The following CREM variants were observed in gnomAD, a reference collection of about 807,000 sequenced individuals.
CREM encodes cAMP-responsive element modulator.
CREM carries 13 observed loss-of-function variants against 37.3 expected under a neutral mutation model. That is an observed-to-expected ratio of 0.35 (90% CI 0.23 to 0.55). The LOEUF (loss-of-function observed/expected upper bound fraction) is 0.55, where lower values mean the gene tolerates loss of function less well. CREM is among the 20% of genes least tolerant of loss of function. The pLI is 0.88. For synonymous variants in CREM, 124 were observed against 120.2 expected (o/e 1.03, Z -0.21); for missense variants, 296 against 362.3 (o/e 0.82, Z 1.49).
intron 3 of CREM, among the ~76,000 whole-genome samples, chr10:35,150,802 CAG>C (rs2092545204): frequency 3.3e-5 from 5 of 151,932 alleles, no homozygotes; most frequent in African/African-American, 1.2e-4. Context: ...GCCTGGGTGA[CAG>C]AGTGAGACCC....
At chr10:35,171,500 G>A (rs2093819773) in intron 3 of CREM, among the ~76,000 whole-genome samples, 1 of 152,138 alleles carries the variant, frequency 6.6e-6, no homozygotes. Flanking sequence ...TTAAAATTCT[G>A]ATAATTGTAC....
intron 1 of CREM, among the ~76,000 whole-genome samples, chr10:35,134,790 C>A (rs1160758325): frequency 1.3e-5 from 2 of 152,126 alleles, no homozygotes; most frequent in Non-Finnish European, 2.9e-5. Flanking sequence ...GTAATCCCAG[C>A]ACTTTGGGAG....
intron 3 of CREM, among the ~76,000 whole-genome samples, chr10:35,155,942 TTTC>T (rs1358665900): frequency 6.0e-5 from 8 of 134,146 alleles, no homozygotes; most frequent in African/African-American, 1.8e-4. Context: ...TCTTTCTTTC[TTTC>T]TTTTTTTTTT....
At chr10:35,196,193 T>C in intron 6 of CREM, 1 of 1,268,884 alleles carries the variant, frequency 7.9e-7, no homozygotes, top group Non-Finnish European at 1.1e-6. Context: ...TTACTCTTAC[T>C]CCATCCTCTT....
intron 7 of CREM, among the ~76,000 whole-genome samples, chr10:35,208,732 C>A (rs564752882): frequency 6.6e-6 from 1 of 152,316 alleles, no homozygotes; most frequent in East Asian, 1.9e-4. Flanking sequence ...AGGTCTGGCC[C>A]AACTGCAAAC....
chr10:35,183,696 A>G (rs1032262401), intron 5 of CREM, among the ~76,000 whole-genome samples: 5 of 152,246 alleles, frequency 3.3e-5, no homozygotes, highest in African/African-American at 4.8e-5. Flanking sequence ...TTGGATTGCA[A>G]TTTGGAACAA....
At chr10:35,128,162 C>T (rs1367422149) in intron 1 of CREM, among the ~76,000 whole-genome samples, 2 of 152,042 alleles carry the variant, frequency 1.3e-5, no homozygotes, top group Admixed American at 6.6e-5. Flanking sequence ...GATCCTGTTG[C>T]GTTTTATTTG....
chr10:35,167,670 A>G (rs938009012), intron 3 of CREM: 53 of 1,564,726 alleles, frequency 3.4e-5, no homozygotes, highest in Admixed American at 2.3e-4. Flanking sequence ...TGTCAATTGC[A>G]TCATCTTACC....
Position 35,175,760 on chromosome 10 carries a change from C to T in CREM, c.169-3129C>T, listed in dbSNP as rs41276100. ...CAGCAGCAGGAAAAAGAGAAGTAGG[C>T]CAGTCATATTAGTGAGTGGTATTAC... is the stretch of plus-strand genomic sequence containing the variant. On this transcript the variant is annotated intron_variant, in intron 3 of 7. Coordinates refer to ENST00000685392, the MANE Select transcript of CREM (RefSeq NM_183011.2). 4,594 of 1,613,938 alleles carry T rather than the reference C, an allele frequency of 2.8e-3. 17 individuals are homozygous for T. Among genetic ancestry groups the T allele is most frequent in the South Asian group, 0.01 (944 of 91,058 alleles).
rs111435626 is a variant in CREM, at chr10:35,138,326, C to T, written c.44+447C>T. On this transcript the variant is annotated intron_variant, in intron 2 of 7. Transcript: ENST00000685392. ...GATTACTTTCAGAGACATTCTGTTTCGTTAGTTGGATGTAGTCCTAAAGAG... is the reference window on the plus strand; with the variant it reads ...GATTACTTTCAGAGACATTCTGTTTTGTTAGTTGGATGTAGTCCTAAAGAG... 6.2e-3 allele frequency among the ~76,000 whole-genome samples: 946 copies of T among 152,192 alleles called. 12 individuals carry two copies. The highest frequency in any genetic ancestry group is 0.021 in the African/African-American group (892 of 41,522).
chr10:35,207,698 C>T (rs1148246), intron 7 of CREM, among the ~76,000 whole-genome samples: 94,889 of 151,860 alleles, frequency 0.62, 29,864 homozygotes, highest in East Asian at 0.68. Context: ...CACTTGAACC[C>T]GGAAGGCGGA....
At chr10:35,182,416 T>TA (rs912521444) in intron 5 of CREM, among the ~76,000 whole-genome samples, 11 of 151,756 alleles carry the variant, frequency 7.2e-5, no homozygotes, top group Admixed American at 1.3e-4. Context: ...CCTTTTATTA[T>TA]AAAAAAAAAT....
chr10:35,132,515 G>A (rs1013122043), intron 1 of CREM, among the ~76,000 whole-genome samples: 2 of 152,130 alleles, frequency 1.3e-5, no homozygotes, highest in Non-Finnish European at 2.9e-5. Context: ...ATATTAGAGA[G>A]CCTCGTGAAT....
chr10:35,163,821 CCAAAAAA>C (rs997746682), intron 3 of CREM, among the ~76,000 whole-genome samples: 3 of 151,404 alleles, frequency 2.0e-5, no homozygotes, highest in South Asian at 2.1e-4. Context: ...AACTCCGTCT[CCAAAAAA>C]CAAAAAACAA....
chr10:35,191,296 A>G (rs569766526), intron 6 of CREM, among the ~76,000 whole-genome samples: 2 of 152,196 alleles, frequency 1.3e-5, no homozygotes, highest in South Asian at 2.1e-4. Flanking sequence ...TCTTTTATCT[A>G]TTAACTTTGC....
At chr10:35,203,230 G>C (rs1320406792) in intron 6 of CREM, among the ~76,000 whole-genome samples, 1 of 151,990 alleles carries the variant, frequency 6.6e-6, no homozygotes, top group Admixed American at 6.6e-5. Flanking sequence ...ATGTCTTGTA[G>C]AGATCAGGTT....
chr10:35,157,350 G>A (rs1020788830), intron 3 of CREM, among the ~76,000 whole-genome samples: 1 of 152,122 alleles, frequency 6.6e-6, no homozygotes, highest in Non-Finnish European at 1.5e-5. Flanking sequence ...AGGATACCAG[G>A]CCAGGTGTGG....
intron 5 of CREM, among the ~76,000 whole-genome samples, chr10:35,185,772 T>A (rs2094531771): frequency 6.6e-6 from 1 of 152,212 alleles, no homozygotes; most frequent in Non-Finnish European, 1.5e-5. Flanking sequence ...CAACCTCAGT[T>A]CTATTGACAT....
chr10:35,168,689 T>C (rs2132574323), intron 3 of CREM, among the ~76,000 whole-genome samples: 1 of 152,336 alleles, frequency 6.6e-6, no homozygotes, highest in East Asian at 1.9e-4. Flanking sequence ...ATGTCCTGAA[T>C]GGTATTGCCT....
Sources: allele counts gnomAD v4.1 joint callset (sites outside exome capture counted in the v4.1 genomes callset), GRCh38; gene constraint gnomAD v4.1.1; transcripts MANE v1.5; gene names NCBI Gene and HGNC (gene_info 2026-07-23, HGNC 2026-07-21).